Variants in SH3GL2 observed in about 807,000 individuals in gnomAD.
SH3GL2 encodes the protein SH3 domain containing GRB2 like 2, endophilin A1.
SH3GL2 carries 24 observed loss-of-function variants against 46.0 expected under a neutral mutation model. The observed-to-expected ratio is 0.52, with a 90% CI of 0.38 to 0.73. The LOEUF (loss-of-function observed/expected upper bound fraction) is 0.73, where lower values mean the gene tolerates loss of function less well. Ranked by LOEUF, SH3GL2 falls within the 30% of genes least tolerant of loss-of-function variation. SH3GL2 has a pLI of 0.00. For missense variants in SH3GL2, 413 were observed against 424.2 expected (o/e 0.97, Z 0.23); for synonymous variants, 196 against 147.1 (o/e 1.33, Z -2.40).
chr9:17,722,646 AT>A (rs894732822), intron 1 of SH3GL2, among the ~76,000 whole-genome samples: 12 of 150,446 alleles, frequency 8.0e-5, no homozygotes, highest in East Asian at 1.9e-4. Context: ...GCTGCAGTAA[AT>A]TTTTTTTTTA....
At chr9:17,591,198 A>G (rs1818475001) in intron 1 of SH3GL2, 1 of 152,226 alleles carries the variant, frequency 6.6e-6, no homozygotes, top group Admixed American at 6.5e-5. Flanking sequence ...GCTTATCATA[A>G]AATCTCTATA....
At chr9:17,778,741 A>C (rs1220082830) in intron 3 of SH3GL2, among the ~76,000 whole-genome samples, 1 of 152,084 alleles carries the variant, frequency 6.6e-6, no homozygotes, top group Non-Finnish European at 1.5e-5. Flanking sequence ...CAGAGTGAGA[A>C]ACAGTCTGAT....
intron 1 of SH3GL2, among the ~76,000 whole-genome samples, chr9:17,634,184 C>T (rs542428338): frequency 2.0e-5 from 3 of 152,242 alleles, no homozygotes; most frequent in East Asian, 1.9e-4. Flanking sequence ...GAGGTTGCAT[C>T]GGTTAACACT....
intron 1 of SH3GL2, among the ~76,000 whole-genome samples, chr9:17,742,917 T>C (rs1822569901): frequency 1.3e-5 from 2 of 152,236 alleles, no homozygotes; most frequent in Non-Finnish European, 2.9e-5. Context: ...GCATATCTTT[T>C]GCTTTTAAAT....
chr9:17,622,355 C>G (rs775062942), intron 1 of SH3GL2, among the ~76,000 whole-genome samples: 11 of 152,112 alleles, frequency 7.2e-5, no homozygotes, highest in Admixed American at 2.6e-4. Flanking sequence ...AATTTTTAGT[C>G]AGAAACCTGC....
At chr9:17,603,634 A>C (rs916722924) in intron 1 of SH3GL2, among the ~76,000 whole-genome samples, 3 of 152,082 alleles carry the variant, frequency 2.0e-5, no homozygotes, top group Non-Finnish European at 4.4e-5. Flanking sequence ...GTCAAAGCCC[A>C]TGGGTCACCT....
At chr9:17,663,615 CTGCTAAT>C (rs2117905175) in intron 1 of SH3GL2, among the ~76,000 whole-genome samples, 1 of 152,260 alleles carries the variant, frequency 6.6e-6, no homozygotes, top group African/African-American at 2.4e-5. Context: ...TCGTAGCTAC[CTGCTAAT>C]TGCATTATTA....
chr9:17,782,976 G>A (rs1823854324), intron 3 of SH3GL2, among the ~76,000 whole-genome samples: 1 of 152,070 alleles, frequency 6.6e-6, no homozygotes, highest in Non-Finnish European at 1.5e-5. Context: ...AACACGCAAG[G>A]AAGGGACTCT....
chr9:17,647,427 C>G (rs1020903128), intron 1 of SH3GL2, among the ~76,000 whole-genome samples: 2 of 151,710 alleles, frequency 1.3e-5, no homozygotes, highest in South Asian at 2.1e-4. Context: ...CTCTCTCTCT[C>G]TGTCTCTCTC....
chr9:17,587,582 C>T (rs908444016), intron 1 of SH3GL2, among the ~76,000 whole-genome samples: 3 of 152,090 alleles, frequency 2.0e-5, no homozygotes, highest in Non-Finnish European at 2.9e-5. Flanking sequence ...TCTTCATAAA[C>T]TTAGTAGGCT....
At chr9:17,709,640 TTA>T (rs10566153) in intron 1 of SH3GL2, among the ~76,000 whole-genome samples, 14,872 of 150,702 alleles carry the variant, frequency 0.099, 2,416 homozygotes, top group African/African-American at 0.34. Flanking sequence ...AACATAAATA[TTA>T]TATATGTGTG....
At chr9:17,646,490 GT>G in intron 1 of SH3GL2, among the ~76,000 whole-genome samples, 1 of 152,080 alleles carries the variant, frequency 6.6e-6, no homozygotes. Context: ...TGTTGCGCTG[GT>G]TTTCCCTCAT....
At chr9:17,721,942 G>T (rs951585733) in intron 1 of SH3GL2, among the ~76,000 whole-genome samples, 1 of 152,136 alleles carries the variant, frequency 6.6e-6, no homozygotes, top group Non-Finnish European at 1.5e-5. Flanking sequence ...AGAGAACCCA[G>T]TGGAGGTGTC....
At chr9:17,590,816 C>T (rs1818468449) in intron 1 of SH3GL2, 1 of 152,260 alleles carries the variant, frequency 6.6e-6, no homozygotes, top group Non-Finnish European at 1.5e-5. Flanking sequence ...CACTCTGTCG[C>T]AGTGGCGTGA....
chr9:17,795,438 A>T (rs537425494), intron 8 of SH3GL2, 106 bp from the exon 9 acceptor site: 1 of 789,604 alleles, frequency 1.3e-6, no homozygotes, highest in South Asian at 1.7e-5. Context: ...GAGGGAGGAA[A>T]GACGGGGAGC....
chr9:17,646,395 T>C (rs1425251573), intron 1 of SH3GL2, among the ~76,000 whole-genome samples: 3 of 152,080 alleles, frequency 2.0e-5, no homozygotes, highest in Non-Finnish European at 2.9e-5. Context: ...AAACTCCTTC[T>C]CTGTCCAGTT....
rs187282696 is a variant in SH3GL2, at chr9:17,760,292, C to G, written c.115-1145C>G. The stretch of plus-strand genomic sequence containing the variant: ...GTTGATCCTAGTAATAGCAAACACA[C>G]ACAGTAATATGACTGCCATGGAATG... On this transcript the variant is annotated intron_variant, in intron 2 of 8. Transcript: ENST00000380607. Among the ~76,000 whole-genome samples, 27 of 152,194 alleles carry G rather than the reference C, an allele frequency of 1.8e-4. No homozygotes were observed. In the East Asian group the frequency reaches 4.2e-3, roughly 24 times the overall value.
chr9:17,772,506 T>C (rs183771053), intron 3 of SH3GL2, among the ~76,000 whole-genome samples: 83 of 152,290 alleles, frequency 5.5e-4, no homozygotes, highest in African/African-American at 1.8e-3. Context: ...CCCCCTTTCC[T>C]ACTTCAGCCG....
intron 1 of SH3GL2, among the ~76,000 whole-genome samples, chr9:17,592,991 A>G (rs912117571): frequency 3.9e-5 from 6 of 152,290 alleles, no homozygotes; most frequent in East Asian, 1.9e-4. Context: ...TAAAAACCCA[A>G]CATCACAGGG....
Sources: gnomAD v4.1 joint callset for allele counts (sites outside exome capture counted in the v4.1 genomes callset) on GRCh38, gnomAD v4.1.1 for gene constraint, MANE v1.5 for transcripts, NCBI Gene and HGNC (gene_info 2026-07-23, HGNC 2026-07-21) for gene names.